The following RASAL1 variants were observed in gnomAD, a reference collection of about 807,000 sequenced individuals.
RASAL1 encodes the protein rasGAP-activating-like protein 1.
A neutral mutation model predicts 96.6 loss-of-function variants in RASAL1; 72 were observed. The observed-to-expected ratio is 0.75, with a 90% CI of 0.62 to 0.91. The LOEUF (loss-of-function observed/expected upper bound fraction) is 0.91. Ranked by LOEUF, RASAL1 falls within the 40% of genes least tolerant of loss-of-function variation. The probability of loss-of-function intolerance (pLI) is 0.00; values close to 1 mark genes in which losing one functional copy is unlikely to be tolerated. For missense variants in RASAL1, 1,016 were observed against 1,072.5 expected (o/e 0.95, Z 0.74); for synonymous variants, 405 against 430.4 (o/e 0.94, Z 0.73).
chr12:113,117,150 A>G lies in RASAL1; in HGVS notation c.654T>C (p.Ser218=), dbSNP rs1396793173. Residue 218 remains serine, a synonymous_variant, in exon 8 of 21, where the codon TCT becomes TCC. Transcript: ENST00000548055. The stretch of plus-strand genomic sequence containing the variant: ...GTGGCTTCTGCTGGAGGGTCTTTGG[A>G]GAGAACTCCACCTTTTGAGAGAGAC... ...KNDFLGMVEF[S]PKTLQQKPPK... 1.9e-6 allele frequency: 3 copies of G among 1,600,246 alleles called. No homozygotes were observed. Among genetic ancestry groups the G allele is most frequent in the African/African-American group, 2.7e-5 (2 of 74,448 alleles).
Position 113,101,882 on chromosome 12 carries a change from C to T in RASAL1, c.2225+7G>A, listed in dbSNP as rs369370670. On this transcript the variant is annotated splice_region_variant and intron_variant, in intron 19 of 20. Coordinates refer to ENST00000548055, the MANE Select transcript of RASAL1 (RefSeq NM_001301202.2). ...GGAGGTGAAGTGGGATGGGTGGGGG[C>T]ACCCACCTGAGCTGGTCCCGCCCCA... The T allele has an allele frequency of 1.9e-4, 304 of 1,611,586 alleles. No individual in the cohort carries two copies. Among genetic ancestry groups the T allele is most frequent in the Non-Finnish European group, 2.5e-4 (295 of 1,178,856 alleles).
At position 113,115,085 on chromosome 12, in the gene RASAL1, G is replaced by A. The variant is rs540273135; in HGVS notation, c.1068+115C>T. 3 of 1,233,982 alleles carry A rather than the reference G, an allele frequency of 2.4e-6. No homozygotes were observed. In the South Asian group the frequency reaches 3.7e-5, roughly 15 times the overall value. 76.4% of individuals were successfully genotyped at this position (1,233,982 alleles called of 1,614,324 possible). A position where few individuals can be genotyped will look rare whatever the true frequency, so the allele number is the denominator to read the frequency against. On this transcript the variant is annotated intron_variant, in intron 11 of 20. Coordinates refer to ENST00000548055, the MANE Select transcript of RASAL1 (RefSeq NM_001301202.2). This position sits in a 1 kb window ranked among gnomAD's most constrained non-coding sequence, Gnocchi z 4.1. The stretch of plus-strand genomic sequence containing the variant: ...AGGCCGGGCACCAGCCGCCAGCACT[G>A]CAGCTCGGCTGCTCAGTGCTGTCTG...
At chr12:113,102,065 CACAGCCAGGCA>C (rs1950468875) in intron 18 of RASAL1, 56 bp from the exon 19 acceptor site, 1 of 1,577,182 alleles carries the variant, frequency 6.3e-7, no homozygotes, top group African/African-American at 1.3e-5. Context: ...CAGAAGCCTC[CACAGCCAGGCA>C]TTCGCCAAGC....
chr12:113,134,361 A>G (rs3782881), intron 1 of RASAL1, among the ~76,000 whole-genome samples: 18,844 of 152,126 alleles, frequency 0.12, 1,329 homozygotes, highest in East Asian at 0.21. Context: ...GGGAATCAGC[A>G]CAGAGCTAAG....
Position 113,121,629 on chromosome 12 carries a change from C to T in RASAL1, c.308G>A (p.Ser103Asn). The stretch of plus-strand genomic sequence containing the variant: ...GTCCACTCGGCTCAAGTTAATCCAG[C>T]TGTCAATCCCTGAAGGGCACAGGCA... ...AITADPRGID[S>N]WINLSRVDPD... The change falls in exon 5 of 21, where the codon AGC becomes AAC. Residue 103 changes from serine (S) to asparagine (N), a missense_variant. Transcript: ENST00000548055. 2 of 1,614,232 alleles carry T rather than the reference C, an allele frequency of 1.2e-6. No individual in the cohort carries two copies. The highest frequency in any genetic ancestry group is 1.7e-6 in the Non-Finnish European group (2 of 1,180,036).
chr12:113,110,037 C>T (rs181859181), intron 13 of RASAL1, among the ~76,000 whole-genome samples: 33 of 152,316 alleles, frequency 2.2e-4, no homozygotes, highest in African/African-American at 7.0e-4. Flanking sequence ...GCTCACCATA[C>T]GAGGTCTAGG....
At position 113,107,976 on chromosome 12, in the gene RASAL1, C is replaced by T. The variant is rs756061047; in HGVS notation, c.1512+109G>A. 190 of 1,316,910 alleles carry T rather than the reference C, an allele frequency of 1.4e-4. 2 individuals carry two copies. The highest frequency in any genetic ancestry group is 1.9e-4 in the Non-Finnish European group (184 of 981,046). The allele number at this position is 1,316,910 out of a possible 1,614,324, so 81.6% of individuals were successfully genotyped here. ...ACGGTGGTGTTTCAGACTTGGGTTTCTTCGGATGTTCTTTGGGTCTTCTGT... is the reference window on the plus strand; with the variant it reads ...ACGGTGGTGTTTCAGACTTGGGTTTTTTCGGATGTTCTTTGGGTCTTCTGT... On this transcript the variant is annotated intron_variant, in intron 14 of 20. Coordinates refer to ENST00000548055, the MANE Select transcript of RASAL1 (RefSeq NM_001301202.2).
Position 113,101,921 on chromosome 12 carries a change from AT to A in RASAL1, c.2192del (p.Tyr731PhefsTer13), listed in dbSNP as rs1950462224. The A allele has an allele frequency of 1.2e-6, 2 of 1,614,092 alleles. No individual in the cohort carries two copies. Among genetic ancestry groups the A allele is most frequent in the Non-Finnish European group, 1.7e-6 (2 of 1,180,008 alleles). On this transcript the variant is annotated frameshift_variant, in exon 19 of 21. Transcript: ENST00000548055. LOFTEE classifies it high-confidence loss of function. ...GGTCCCGCCCCAGGAGCAGCTGCCG[AT>A]ACACTGTCTGGGCCTCAGCATCAGG... is the stretch of plus-strand genomic sequence containing the variant. ...LDPDAEAQTV[Y>X]RQLLLGRDQL...
chr12:113,108,205 G>A lies in RASAL1; in HGVS notation c.1392C>T (p.Ala464=), dbSNP rs759213750. The A allele has an allele frequency of 4.3e-6, 7 of 1,612,474 alleles. No individual in the cohort carries two copies. The East Asian group carries it at 1.1e-4, about 26-fold the overall frequency. ...QAEHQDVKYL[A]ISGFLFLRFF... is the part of the protein sequence containing the mutation. ...ATCGCAAGAAGAGAAATCCACTGAT[G>A]GCCAGGTACTTCACATCCTGCTGGG... The change falls in exon 14 of 21, where the codon GCC becomes GCT. Residue 464 remains alanine (A), a synonymous_variant. Coordinates refer to ENST00000548055, the MANE Select transcript of RASAL1 (RefSeq NM_001301202.2).
At position 113,115,138 on chromosome 12, in the gene RASAL1, G is replaced by A; in HGVS notation, c.1068+62C>T. On this transcript the variant is annotated intron_variant, in intron 11 of 20. Coordinates refer to ENST00000548055, the MANE Select transcript of RASAL1 (RefSeq NM_001301202.2). This position sits in a 1 kb window ranked among gnomAD's most constrained non-coding sequence, Gnocchi z 4.1. ...GCCAGCTAAGTGAGGGAGCCAGGTA[G>A]GCACTGGGAAGGAGGTACCCGAGGA... 2 of 1,485,794 alleles carry A rather than the reference G, an allele frequency of 1.3e-6. No homozygotes were observed. Among genetic ancestry groups the A allele is most frequent in the Non-Finnish European group, 1.9e-6 (2 of 1,064,620 alleles). 92.0% of individuals were successfully genotyped at this position (1,485,794 alleles called of 1,614,324 possible).
chr12:113,120,878 T>G (rs1951271047), intron 5 of RASAL1, among the ~76,000 whole-genome samples: 1 of 152,186 alleles, frequency 6.6e-6, no homozygotes, highest in African/African-American at 2.4e-5. Flanking sequence ...GGCTTGTGAC[T>G]CAGGCCTGAT....
rs754998893 is a variant in RASAL1, at chr12:113,123,238, G to A, written c.299-1600C>T. On this transcript the variant is annotated intron_variant, in intron 4 of 20. Coordinates refer to ENST00000548055, the MANE Select transcript of RASAL1 (RefSeq NM_001301202.2). ...AATTACAGAATCTAAAGTCTTTGTG[G>A]GTCTAAATCAGATGATTATTGTTTC... 5.3e-5 allele frequency among the ~76,000 whole-genome samples: 8 copies of A among 152,104 alleles called. No individual in the cohort carries two copies. The South Asian group carries it at 1.7e-3, about 32-fold the overall frequency.
intron 4 of RASAL1, 78 bp downstream of exon 4, chr12:113,127,734 C>T (rs1051307496): frequency 9.0e-6 from 11 of 1,215,698 alleles, no homozygotes; most frequent in Admixed American, 4.2e-5. Flanking sequence ...TGTGCTTCAC[C>T]GTGCCATGTG....
intron 15 of RASAL1, among the ~76,000 whole-genome samples, chr12:113,106,623 T>A (rs1193262445): frequency 2.0e-5 from 3 of 151,756 alleles, no homozygotes; most frequent in Non-Finnish European, 4.4e-5. Flanking sequence ...CTCTAACTTT[T>A]CCCTTTCAGA....
chr12:113,123,663 A>C (rs1951377581), intron 4 of RASAL1, among the ~76,000 whole-genome samples: 1 of 152,156 alleles, frequency 6.6e-6, no homozygotes, highest in South Asian at 2.1e-4. Context: ...GGCTCACTGC[A>C]AACTCCACCT....
At chr12:113,112,543 C>T (rs530729423) in intron 12 of RASAL1, among the ~76,000 whole-genome samples, 18 of 152,322 alleles carry the variant, frequency 1.2e-4, no homozygotes, top group Middle Eastern at 6.8e-3. Flanking sequence ...TCCTCACCCC[C>T]TGCAAGTCTT....
At chr12:113,116,230 C>T (rs1434404277) in intron 8 of RASAL1, among the ~76,000 whole-genome samples, 179 bp from the exon 9 acceptor site, 4 of 152,166 alleles carry the variant, frequency 2.6e-5, no homozygotes, top group South Asian at 2.1e-4. Flanking sequence ...ATTAGCCGGG[C>T]GTGATGACAC....
Position 113,117,080 on chromosome 12 carries a change from C to T in RASAL1, c.724G>A (p.Asp242Asn). Residue 242 changes from aspartate to asparagine, a missense_variant, in exon 8 of 21, where the codon GAT (aspartate) becomes AAT (asparagine). Physicochemically the swap from Asp to Asn is conservative, Grantham distance 23 (BLOSUM62 1). Coordinates refer to ENST00000548055, the MANE Select transcript of RASAL1 (RefSeq NM_001301202.2). The stretch of plus-strand genomic sequence containing the variant: ...CTCTGCACCCACATTTACCCAGAAT[C>T]CTCCTCGGCTCTGGGAAAGGGCAGG... ...RLLPFPRAEEDSGGNLGALRV... is the reference protein window; with the variant it reads ...RLLPFPRAEENSGGNLGALRV... 6.2e-7 allele frequency: 1 copy of T among 1,602,290 alleles called. No homozygotes were observed. The highest frequency in any genetic ancestry group is 8.5e-7 in the Non-Finnish European group (1 of 1,171,262).
rs1233146536 is a variant in RASAL1 at position 113,130,276 on chromosome 12, CAT to C, written c.122+607_122+608del. ...CACCCCAAACATCCTCACACCTTCA[CAT>C]GTGTCCACACCGGTGCCTTTGTGAC... On this transcript the variant is annotated intron_variant, in intron 2 of 20. Transcript: ENST00000548055. The surrounding 1 kb of genome is among the most constrained non-coding windows in gnomAD (Gnocchi z 5.1). 2.0e-5 allele frequency among the ~76,000 whole-genome samples: 3 copies of C among 152,224 alleles called. No individual in the cohort carries two copies. Among genetic ancestry groups the C allele is most frequent in the Non-Finnish European group, 4.4e-5 (3 of 68,032 alleles).
Sources: allele counts gnomAD v4.1 joint callset (sites outside exome capture counted in the v4.1 genomes callset), GRCh38; gene constraint gnomAD v4.1.1; non-coding constraint Gnocchi (gnomAD v3.1); transcripts MANE v1.5; gene names NCBI Gene and HGNC (gene_info 2026-07-23, HGNC 2026-07-21).